Variants in POPDC1 observed in about 807,000 individuals in gnomAD.
POPDC1 encodes the protein popeye domain-containing protein 1.
chr6:105,129,003 A>T, the POPDC1 span, among the ~76,000 whole-genome samples: 2 of 152,224 alleles, frequency 1.3e-5, no homozygotes, highest in Non-Finnish European at 2.9e-5. Flanking sequence ...AAATAGCATG[A>T]ACTATTTGTA....
chr6:105,109,763 C>CAAAAATAAAAAAAAAAAAAAA, the POPDC1 span, among the ~76,000 whole-genome samples: 1 of 22,866 alleles, frequency 4.4e-5, no homozygotes, highest in Non-Finnish European at 1.1e-4. Context: ...GACCCTTTCT[C>CAAAAATAAAAAAAAAAAAAAA]AAAAAAAAAA....
the POPDC1 span, among the ~76,000 whole-genome samples, chr6:105,115,070 T>TAA: frequency 6.6e-6 from 1 of 152,230 alleles, no homozygotes; most frequent in African/African-American, 2.4e-5. Flanking sequence ...TGTGGACTCT[T>TAA]AGAGTATTCT....
the POPDC1 span, chr6:105,115,708 AC>A: frequency 6.2e-7 from 1 of 1,614,126 alleles, no homozygotes; most frequent in Non-Finnish European, 8.5e-7. Flanking sequence ...TGCTGGAGGT[AC>A]CCCGAAGAAA....
chr6:105,125,296 T>G, the POPDC1 span: 31 of 1,394,798 alleles, frequency 2.2e-5, 1 homozygote, highest in South Asian at 3.7e-4. Context: ...GCTTTCTCCA[T>G]TCATTGGCAA....
the POPDC1 span, among the ~76,000 whole-genome samples, chr6:105,117,398 A>C: frequency 1.3e-5 from 2 of 152,158 alleles, no homozygotes. Context: ...TCCTTCTGTC[A>C]TAGGTGTTTC....
chr6:105,125,675 C>T, the POPDC1 span: 2 of 1,158,448 alleles, frequency 1.7e-6, no homozygotes, highest in Non-Finnish European at 2.5e-6. Context: ...ATTAACAAAT[C>T]TTTGATATAT....
chr6:105,116,602 T>C, the POPDC1 span: 1 of 917,288 alleles, frequency 1.1e-6, no homozygotes, highest in Admixed American at 3.0e-5. Flanking sequence ...ACATTTAACA[T>C]ATGGCTAGTT....
the POPDC1 span, chr6:105,129,246 G>T: frequency 1.3e-6 from 1 of 784,148 alleles, no homozygotes; most frequent in Non-Finnish European, 1.9e-6. Flanking sequence ...AATGTAAACA[G>T]AAAGCCTAAA....
At chr6:105,126,221 G>A in the POPDC1 span, among the ~76,000 whole-genome samples, 5 of 144,942 alleles carry the variant, frequency 3.4e-5, no homozygotes, top group South Asian at 2.2e-4. Context: ...AGCGAAACTC[G>A]GTATCAAAAA....
At chr6:105,116,660 A>G in the POPDC1 span, 162 of 1,479,352 alleles carry the variant, frequency 1.1e-4, no homozygotes, top group African/African-American at 1.9e-3. Context: ...TATACCTCAT[A>G]TACATATTTA....
chr6:105,133,880 T>A, the POPDC1 span, among the ~76,000 whole-genome samples: 2 of 152,146 alleles, frequency 1.3e-5, no homozygotes. Context: ...TATATACGTA[T>A]AAACACTTGT....
the POPDC1 span, among the ~76,000 whole-genome samples, chr6:105,103,595 T>G: frequency 6.6e-6 from 1 of 152,204 alleles, no homozygotes; most frequent in Admixed American, 6.5e-5. Flanking sequence ...AACAATAAGA[T>G]GGCATGTCTA....
At chr6:105,128,544 C>T in the POPDC1 span, among the ~76,000 whole-genome samples, 1 of 152,174 alleles carries the variant, frequency 6.6e-6, no homozygotes, top group African/African-American at 2.4e-5. Context: ...AGATTTATTA[C>T]ATAGCATAAC....
At chr6:105,114,098 A>C in the POPDC1 span, among the ~76,000 whole-genome samples, 1 of 152,218 alleles carries the variant, frequency 6.6e-6, no homozygotes, top group Non-Finnish European at 1.5e-5. Context: ...AGAATTCTGT[A>C]CAAGCCTTTA....
the POPDC1 span, among the ~76,000 whole-genome samples, chr6:105,135,840 C>T: frequency 6.6e-6 from 1 of 152,032 alleles, no homozygotes; most frequent in East Asian, 1.9e-4. Flanking sequence ...ACCACTTAAT[C>T]GTTAAGTGGC....
chr6:105,135,832 C>A, the POPDC1 span, among the ~76,000 whole-genome samples: 42 of 152,132 alleles, frequency 2.8e-4, no homozygotes, highest in Non-Finnish European at 5.4e-4. Flanking sequence ...CTTTGATTAC[C>A]ACTTAATCGT....
the POPDC1 span, among the ~76,000 whole-genome samples, chr6:105,115,030 A>T: frequency 1.3e-5 from 2 of 152,274 alleles, no homozygotes; most frequent in Non-Finnish European, 2.9e-5. Context: ...CAACAAAAAC[A>T]AACAAAACCA....
chr6:105,111,192 A>G, the POPDC1 span, among the ~76,000 whole-genome samples: 182 of 152,340 alleles, frequency 1.2e-3, 2 homozygotes, highest in Non-Finnish European at 1.6e-3. Flanking sequence ...TTAAAAAAAA[A>G]TCCAAATGAT....
At chr6:105,123,778 C>A in the POPDC1 span, among the ~76,000 whole-genome samples, 2 of 152,204 alleles carry the variant, frequency 1.3e-5, no homozygotes, top group African/African-American at 4.8e-5. Flanking sequence ...GTTCTTTCCC[C>A]TTAAACATAT....
Sources: gnomAD v4.1 joint callset for allele counts (sites outside exome capture counted in the v4.1 genomes callset) on GRCh38, gnomAD v4.1.1 for gene constraint, MANE v1.5 for transcripts, NCBI Gene and HGNC (gene_info 2026-07-23, HGNC 2026-07-21) for gene names.